The following GALNTL6 variants were observed in gnomAD, a reference collection of about 807,000 sequenced individuals.
GALNTL6 encodes the protein polypeptide N-acetylgalactosaminyltransferase-like 6.
A neutral mutation model predicts 73.7 loss-of-function variants in GALNTL6; 46 were observed. The observed-to-expected ratio is 0.62, with a 90% confidence interval of 0.49 to 0.80. The LOEUF (loss-of-function observed/expected upper bound fraction) is 0.80. Among genes scored for constraint, GALNTL6 ranks in the 30% least tolerant of loss-of-function variants. The pLI is 0.00. For synonymous variants in GALNTL6, 259 were observed against 263.7 expected, an observed-to-expected ratio of 0.98 and a Z score of 0.17; for missense variants, 604 against 755.0, an observed-to-expected ratio of 0.80 and a Z score of 2.34.
intron 5 of GALNTL6, among the ~76,000 whole-genome samples, chr4:172,776,961 A>G (rs1204454504): frequency 6.6e-6 from 1 of 152,242 alleles, no homozygotes; most frequent in Non-Finnish European, 1.5e-5. Context: ...AGGAAAAATT[A>G]AGAAATACCA....
chr4:172,882,572 A>G (rs1203298494), intron 7 of GALNTL6, among the ~76,000 whole-genome samples: 3 of 152,178 alleles, frequency 2.0e-5, no homozygotes, highest in African/African-American at 4.8e-5. Context: ...TGAACTGCAA[A>G]TATTTAATGC....
At chr4:172,177,519 A>G (rs1735036506) in intron 2 of GALNTL6, among the ~76,000 whole-genome samples, 1 of 152,022 alleles carries the variant, frequency 6.6e-6, no homozygotes, top group Non-Finnish European at 1.5e-5. Context: ...GTGATAGCAC[A>G]TTATTTGAAC....
intron 5 of GALNTL6, among the ~76,000 whole-genome samples, chr4:172,422,837 A>C (rs1731099173): frequency 6.6e-6 from 1 of 151,330 alleles, no homozygotes; most frequent in African/African-American, 2.4e-5. Flanking sequence ...CATGAGTAAA[A>C]CCTTGAACTA....
intron 5 of GALNTL6, among the ~76,000 whole-genome samples, chr4:172,659,462 A>G (rs886631883): frequency 6.6e-6 from 1 of 152,106 alleles, no homozygotes; most frequent in Admixed American, 6.6e-5. Flanking sequence ...ACTGAACACT[A>G]GATCTTATTC....
intron 2 of GALNTL6, among the ~76,000 whole-genome samples, chr4:172,075,013 G>A (rs1327253258): frequency 6.6e-6 from 1 of 152,028 alleles, no homozygotes; most frequent in Non-Finnish European, 1.5e-5. Flanking sequence ...AGACAATCCT[G>A]CATGTTTTCT....
In GALNTL6 at chr4:172,179,539, G is replaced by A. The variant is rs1055972619; in HGVS notation, c.139-50117G>A. ...TCTTGTAAATTTGTTGGAGTTCATT[G>A]TAGATTCTGGATATTAGCCCTTTGT... On this transcript the variant is annotated intron_variant, in intron 2 of 12. Transcript: ENST00000506823. Among the ~76,000 whole-genome samples, 4 of 142,008 alleles carry A rather than the reference G, an allele frequency of 2.8e-5. No individual in the cohort carries two copies. In the East Asian group the frequency reaches 5.8e-4, roughly 21 times the overall value. 93.2% of individuals were successfully genotyped at this position (142,008 alleles called of 152,430 possible).
At chr4:171,822,135 G>A (rs1734703399) in intron 2 of GALNTL6, among the ~76,000 whole-genome samples, 1 of 151,880 alleles carries the variant, frequency 6.6e-6, no homozygotes, top group Non-Finnish European at 1.5e-5. Flanking sequence ...AACTACTTTT[G>A]TTGTTGCTGT....
chr4:171,904,487 G>A (rs997400729), intron 2 of GALNTL6, among the ~76,000 whole-genome samples: 1 of 152,188 alleles, frequency 6.6e-6, no homozygotes. Flanking sequence ...AGAAATATGG[G>A]ACTATGTGAA....
intron 3 of GALNTL6, among the ~76,000 whole-genome samples, chr4:172,277,289 G>A (rs1466492968): frequency 6.6e-6 from 1 of 152,048 alleles, no homozygotes; most frequent in Non-Finnish European, 1.5e-5. Context: ...TCGCAACAGT[G>A]GGAGTTTCTA....
chr4:172,083,123 T>A (rs1439677334), intron 2 of GALNTL6, among the ~76,000 whole-genome samples: 1 of 152,172 alleles, frequency 6.6e-6, no homozygotes, highest in Non-Finnish European at 1.5e-5. Context: ...TGTGAGTAAA[T>A]CCTGTTGGTT....
chr4:172,001,105 C>T (rs1051715601), intron 2 of GALNTL6, among the ~76,000 whole-genome samples: 4 of 152,098 alleles, frequency 2.6e-5, no homozygotes, highest in Non-Finnish European at 2.9e-5. Flanking sequence ...TCATTGTAAT[C>T]GTTGTAATTA....
intron 2 of GALNTL6, among the ~76,000 whole-genome samples, chr4:172,215,445 T>C (rs1467123239): frequency 1.3e-5 from 2 of 152,146 alleles, no homozygotes; most frequent in Admixed American, 1.3e-4. Flanking sequence ...TTAAGGATAC[T>C]ATGTCTTCTT....
chr4:172,357,126 A>G (rs1159295627), intron 5 of GALNTL6, among the ~76,000 whole-genome samples: 1 of 152,146 alleles, frequency 6.6e-6, no homozygotes, highest in Non-Finnish European at 1.5e-5. Context: ...GCCTTCCAGG[A>G]CTGCAGGGGG....
chr4:172,515,383 CT>C (rs953577658), intron 5 of GALNTL6, among the ~76,000 whole-genome samples: 1 of 152,226 alleles, frequency 6.6e-6, no homozygotes, highest in Non-Finnish European at 1.5e-5. Context: ...CTGAGCAGAG[CT>C]GCGCTCCTCT....
At chr4:172,919,369 C>A (rs1747682212) in intron 8 of GALNTL6, among the ~76,000 whole-genome samples, 1 of 152,132 alleles carries the variant, frequency 6.6e-6, no homozygotes, top group Non-Finnish European at 1.5e-5. Flanking sequence ...CCCCTCCTGC[C>A]CCTCAGGCAT....
intron 2 of GALNTL6, among the ~76,000 whole-genome samples, chr4:171,899,114 T>TTTATTAATACTAAATAAAAATTTAGTA (rs1344593255): frequency 6.6e-6 from 1 of 151,552 alleles, no homozygotes; most frequent in East Asian, 1.9e-4. Flanking sequence ...AAATTTAGTA[T>TTTATTAATACTAAATAAAAATTTAGTA]TAATATCTAT....
At chr4:172,298,327 T>TA (rs1402697976) in intron 3 of GALNTL6, among the ~76,000 whole-genome samples, 1 of 152,206 alleles carries the variant, frequency 6.6e-6, no homozygotes, top group Non-Finnish European at 1.5e-5. Flanking sequence ...CCTCTTTTCC[T>TA]AATTGAATAC....
chr4:172,770,357 A>G (rs1579458771), intron 5 of GALNTL6, among the ~76,000 whole-genome samples: 1 of 152,166 alleles, frequency 6.6e-6, no homozygotes, highest in East Asian at 1.9e-4. Flanking sequence ...ATTGCTCAAT[A>G]AAAGACAACT....
intron 2 of GALNTL6, among the ~76,000 whole-genome samples, chr4:171,945,224 A>G (rs1262945136): frequency 1.3e-5 from 2 of 152,130 alleles, no homozygotes; most frequent in Non-Finnish European, 2.9e-5. Context: ...ATATCAAAAA[A>G]CATCATTGAA....
Sources: gnomAD v4.1 joint callset for allele counts (sites outside exome capture counted in the v4.1 genomes callset) on GRCh38, gnomAD v4.1.1 for gene constraint, MANE v1.5 for transcripts, NCBI Gene and HGNC (gene_info 2026-07-23, HGNC 2026-07-21) for gene names.